Variants in TMEM232 observed in about 807,000 individuals in gnomAD.
TMEM232 encodes transmembrane protein 232.
Under a neutral mutation model 78.8 loss-of-function variants are expected in TMEM232, and 80 were observed. The observed-to-expected ratio is 1.01, with a 90% CI of 0.85 to 1.22. The LOEUF is 1.22. TMEM232 is among the 50% of genes most tolerant of loss of function. TMEM232 has a pLI of 0.00. For missense variants in TMEM232, 881 were observed against 742.2 expected (o/e 1.19, Z -2.17); for synonymous variants, 297 against 254.3 (o/e 1.17, Z -1.60).
chr5:110,460,149 T>C (rs892027854), intron 12 of TMEM232, among the ~76,000 whole-genome samples: 1 of 152,186 alleles, frequency 6.6e-6, no homozygotes, highest in African/African-American at 2.4e-5. Context: ...GATAGCATTA[T>C]ATCAATTTTA....
intron 2 of TMEM232, among the ~76,000 whole-genome samples, chr5:110,404,278 G>A (rs537060673): frequency 1.3e-5 from 2 of 151,954 alleles, no homozygotes; most frequent in South Asian, 4.2e-4. Flanking sequence ...TCTCATCCTT[G>A]CTTTCTGAGC....
chr5:110,631,706 T>C (rs535749074), intron 5 of TMEM232, among the ~76,000 whole-genome samples: 2 of 152,290 alleles, frequency 1.3e-5, no homozygotes, highest in South Asian at 2.1e-4. Flanking sequence ...ACAGTGCTGC[T>C]ACAACTGAGA....
At chr5:110,635,959 C>T (rs906482109) in intron 5 of TMEM232, among the ~76,000 whole-genome samples, 20 of 152,030 alleles carry the variant, frequency 1.3e-4, no homozygotes, top group African/African-American at 4.6e-4. Context: ...GGAATACCTG[C>T]ACTCTCGTGT....
At chr5:110,595,176 G>T (rs1000372631) in intron 10 of TMEM232, among the ~76,000 whole-genome samples, 2 of 152,210 alleles carry the variant, frequency 1.3e-5, no homozygotes, top group African/African-American at 4.8e-5. Flanking sequence ...ACGTGCAGAA[G>T]AGGGGCCTGA....
intron 1 of TMEM232, among the ~76,000 whole-genome samples, chr5:110,708,997 C>A (rs578016551): frequency 1.3e-5 from 2 of 152,050 alleles, no homozygotes; most frequent in Admixed American, 1.3e-4. Context: ...CATACTTCAC[C>A]CGTAAAGATA....
intron 1 of TMEM232, among the ~76,000 whole-genome samples, chr5:110,697,843 T>G (rs1794979972): frequency 6.6e-6 from 1 of 152,236 alleles, no homozygotes. Flanking sequence ...TTGGTGGGAC[T>G]GTAAACTAGT....
chr5:110,720,183 T>A (rs115013291), intron 1 of TMEM232, among the ~76,000 whole-genome samples: 1,844 of 152,258 alleles, frequency 0.012, 46 homozygotes, highest in African/African-American at 0.042. Flanking sequence ...TTCTAGGAGC[T>A]GAGCAGAGCA....
chr5:110,580,100 T>C (rs970837850), intron 10 of TMEM232, among the ~76,000 whole-genome samples: 1 of 151,580 alleles, frequency 6.6e-6, no homozygotes, highest in Non-Finnish European at 1.5e-5. Context: ...AAAGGATCAA[T>C]CCACTAAAAA....
intron 11 of TMEM232, among the ~76,000 whole-genome samples, chr5:110,554,517 C>A (rs1207340653): frequency 6.6e-6 from 1 of 152,042 alleles, no homozygotes; most frequent in Non-Finnish European, 1.5e-5. Context: ...ATACAAAAAC[C>A]TACTTGATCA....
chr5:110,514,818 G>A (rs1278368254), intron 12 of TMEM232, among the ~76,000 whole-genome samples: 4 of 151,948 alleles, frequency 2.6e-5, no homozygotes, highest in Non-Finnish European at 4.4e-5. Context: ...CTCTCTATAT[G>A]TACTTACTAG....
chr5:110,706,303 G>T (rs1268144714), intron 1 of TMEM232, among the ~76,000 whole-genome samples: 1 of 152,130 alleles, frequency 6.6e-6, no homozygotes, highest in Non-Finnish European at 1.5e-5. Flanking sequence ...ATGCTCAGGT[G>T]ATGTATGTTC....
intron 12 of TMEM232, among the ~76,000 whole-genome samples, chr5:110,451,391 G>T (rs146527413): frequency 1.3e-5 from 2 of 152,110 alleles, no homozygotes; most frequent in Non-Finnish European, 2.9e-5. Flanking sequence ...TGTTATTCTA[G>T]GAAATATTTC....
intron 2 of TMEM232, among the ~76,000 whole-genome samples, chr5:110,656,520 C>G (rs994624929): frequency 6.6e-6 from 1 of 152,024 alleles, no homozygotes; most frequent in African/African-American, 2.4e-5. Flanking sequence ...AAATGTACAT[C>G]CACAGAAATA....
At chr5:110,582,930 ATACT>A (rs1778372131) in intron 10 of TMEM232, among the ~76,000 whole-genome samples, 1 of 152,014 alleles carries the variant, frequency 6.6e-6, no homozygotes, top group Non-Finnish European at 1.5e-5. Flanking sequence ...AAAGAATAAA[ATACT>A]TAGGAATAAA....
At chr5:110,662,918 A>AT (rs1360803430) in intron 2 of TMEM232, among the ~76,000 whole-genome samples, 1 of 152,088 alleles carries the variant, frequency 6.6e-6, no homozygotes, top group East Asian at 1.9e-4. Flanking sequence ...GTTGGGAAAG[A>AT]TTTTTTTAAC....
At chr5:110,662,030 T>C (rs1789873032) in intron 2 of TMEM232, among the ~76,000 whole-genome samples, 1 of 152,216 alleles carries the variant, frequency 6.6e-6, no homozygotes, top group South Asian at 2.1e-4. Flanking sequence ...GAGTTCTTCA[T>C]ATATTCTGGT....
chr5:110,473,425 A>AAGAT (rs1762890713), intron 12 of TMEM232, among the ~76,000 whole-genome samples: 1 of 151,836 alleles, frequency 6.6e-6, no homozygotes, highest in African/African-American at 2.4e-5. Context: ...TAAAAAACAA[A>AAGAT]AGATAAGTGT....
At chr5:110,568,316 A>T in intron 11 of TMEM232, 131 bp downstream of exon 11, 1 of 937,804 alleles carries the variant, frequency 1.1e-6, no homozygotes, top group Non-Finnish European at 1.5e-6. Context: ...GTTAAGTTTT[A>T]AAAATATTAT....
intron 1 of TMEM232, among the ~76,000 whole-genome samples, chr5:110,710,492 C>T (rs1580753939): frequency 6.6e-6 from 1 of 151,974 alleles, no homozygotes; most frequent in African/African-American, 2.4e-5. Flanking sequence ...TGCAAAAATC[C>T]TCAACAATAT....
Sources: allele counts gnomAD v4.1 joint callset (sites outside exome capture counted in the v4.1 genomes callset), GRCh38; gene constraint gnomAD v4.1.1; transcripts MANE v1.5; gene names NCBI Gene and HGNC (gene_info 2026-07-23, HGNC 2026-07-21).